NDST3: variants seen among roughly 807,000 people sequenced by gnomAD.
NDST3 encodes N-deacetylase and N-sulfotransferase 3, also known as bifunctional heparan sulfate N-deacetylase/N-sulfotransferase 3.
In NDST3, 58 loss-of-function variants were observed where a neutral mutation model predicts 96.1. The ratio of observed to expected loss-of-function variants is 0.60; its 90% CI spans 0.49 to 0.75. NDST3 has a LOEUF of 0.75. Ranked by LOEUF, NDST3 falls within the 30% of genes least tolerant of loss-of-function variation. The pLI is 0.00. For missense variants in NDST3, 788 were observed against 1,034.2 expected, an observed-to-expected ratio of 0.76 and a Z score of 3.27; for synonymous variants, 333 against 359.7, an observed-to-expected ratio of 0.93 and a Z score of 0.84.
chr4:118,242,748 T>A (rs952966151), intron 12 of NDST3, among the ~76,000 whole-genome samples: 1 of 152,180 alleles, frequency 6.6e-6, no homozygotes, highest in African/African-American at 2.4e-5. Flanking sequence ...TTTGTTTGTA[T>A]GGTTTTTTGC....
At chr4:118,180,040 A>G (rs1015805920) in intron 6 of NDST3, among the ~76,000 whole-genome samples, 1 of 152,064 alleles carries the variant, frequency 6.6e-6, no homozygotes, top group African/African-American at 2.4e-5. Flanking sequence ...GGGTGAAAAT[A>G]GAGGGGGAGT....
intron 6 of NDST3, chr4:118,193,477 G>A: frequency 1.3e-6 from 1 of 778,926 alleles, no homozygotes; most frequent in East Asian, 2.7e-5. Flanking sequence ...CTGTGTCAGT[G>A]AGATTGTCTC....
intron 2 of NDST3, among the ~76,000 whole-genome samples, chr4:118,061,734 A>G (rs1000033086): frequency 5.9e-5 from 9 of 152,138 alleles, no homozygotes; most frequent in Admixed American, 3.9e-4. Flanking sequence ...GGCTCAGTAT[A>G]TATTTGTTGG....
At chr4:118,101,503 A>G (rs1729761775) in intron 2 of NDST3, among the ~76,000 whole-genome samples, 1 of 152,112 alleles carries the variant, frequency 6.6e-6, no homozygotes, top group Non-Finnish European at 1.5e-5. Flanking sequence ...TTCCCTTCTA[A>G]CACTCTGATT....
chr4:118,161,022 T>C (rs999321820), intron 6 of NDST3, among the ~76,000 whole-genome samples: 9 of 152,298 alleles, frequency 5.9e-5, no homozygotes, highest in African/African-American at 2.2e-4. Context: ...TGGTCTTTGA[T>C]GATGGTGATG....
intron 6 of NDST3, among the ~76,000 whole-genome samples, chr4:118,151,176 G>C (rs1734367452): frequency 6.6e-6 from 1 of 152,118 alleles, no homozygotes; most frequent in Admixed American, 6.5e-5. Context: ...TCATAGGTGG[G>C]AACTGAACAA....
At chr4:118,216,658 G>T (rs752174335) in intron 6 of NDST3, among the ~76,000 whole-genome samples, 67 of 152,124 alleles carry the variant, frequency 4.4e-4, no homozygotes, top group Non-Finnish European at 8.7e-4. Context: ...AAGGAGTAAG[G>T]TTTCACGGAA....
rs1265237580 is a variant in NDST3 at position 118,137,994 on chromosome 4, T to C, written c.1225-60T>C. On this transcript the variant is annotated intron_variant, in intron 4 of 13. Transcript: ENST00000296499. The stretch of plus-strand genomic sequence containing the variant: ...TTTACAGTACATTTGAAAATCTTAC[T>C]GTAAAAATAGGATCAAGATAAATCT... 3 of 1,375,640 alleles carry C rather than the reference T, an allele frequency of 2.2e-6. No individual in the cohort carries two copies. In the African/African-American group the frequency reaches 4.4e-5, roughly 20 times the overall value. The allele number at this position is 1,375,640 out of a possible 1,614,324, so 85.2% of individuals were successfully genotyped here.
chr4:118,152,335 AG>A (rs1364476931), intron 6 of NDST3, among the ~76,000 whole-genome samples: 1 of 152,216 alleles, frequency 6.6e-6, no homozygotes, highest in African/African-American at 2.4e-5. Context: ...ATGGGACTCC[AG>A]AAAGTAATAT....
Position 118,054,179 on chromosome 4 carries a change from C to T in NDST3, c.269C>T (p.Ser90Phe). The change falls in exon 2 of 14, where the codon TCT becomes TTT. Residue 90 changes from serine (S) to phenylalanine (F), a missense_variant. Physicochemically the swap from Ser to Phe is radical, Grantham distance 155 (BLOSUM62 -2). Coordinates refer to ENST00000296499, the MANE Select transcript of NDST3 (RefSeq NM_004784.3). ...VLVFVESQYSSLGQDIIMILE... is the reference protein window; with the variant it reads ...VLVFVESQYSFLGQDIIMILE... ...GTATTTGTAGAGAGCCAGTACTCATCTCTTGGTCAAGACATCATTATGATT... is the reference window on the plus strand; with the variant it reads ...GTATTTGTAGAGAGCCAGTACTCATTTCTTGGTCAAGACATCATTATGATT... The T allele has an allele frequency of 6.2e-7, 1 of 1,613,090 alleles. No individual in the cohort carries two copies.
At chr4:118,227,572 A>G (rs1268027656) in intron 8 of NDST3, among the ~76,000 whole-genome samples, 2 of 146,998 alleles carry the variant, frequency 1.4e-5, no homozygotes, top group Non-Finnish European at 3.0e-5. Flanking sequence ...TTGATGTGCA[A>G]TTTTTTTCAC....
chr4:118,035,627 T>C (rs1040782690), intron 1 of NDST3, among the ~76,000 whole-genome samples: 2 of 151,966 alleles, frequency 1.3e-5, no homozygotes, highest in Non-Finnish European at 2.9e-5. Flanking sequence ...AGATTTCAAA[T>C]ATAAGTTTGA....
chr4:118,215,958 A>G (rs1378511092), intron 6 of NDST3, among the ~76,000 whole-genome samples: 1 of 152,092 alleles, frequency 6.6e-6, no homozygotes, highest in Non-Finnish European at 1.5e-5. Context: ...CAGAAGAGCA[A>G]GGTGACAATG....
At chr4:118,176,148 A>T (rs1736265304) in intron 6 of NDST3, among the ~76,000 whole-genome samples, 1 of 151,932 alleles carries the variant, frequency 6.6e-6, no homozygotes, top group African/African-American at 2.4e-5. Context: ...TTATATAATT[A>T]TTCTAGTTAC....
chr4:118,091,280 C>T (rs1169100918), intron 2 of NDST3, among the ~76,000 whole-genome samples: 1 of 151,644 alleles, frequency 6.6e-6, no homozygotes, highest in Non-Finnish European at 1.5e-5. Context: ...CATGTATCCC[C>T]TGGACCTAAA....
intron 6 of NDST3, among the ~76,000 whole-genome samples, chr4:118,164,153 A>G (rs1264859078): frequency 1.3e-5 from 2 of 152,232 alleles, no homozygotes; most frequent in African/African-American, 4.8e-5. Flanking sequence ...ATGGAATACA[A>G]TGCAGCCATA....
intron 4 of NDST3, among the ~76,000 whole-genome samples, chr4:118,136,791 A>C (rs1733134369): frequency 1.3e-5 from 2 of 152,118 alleles, no homozygotes; most frequent in African/African-American, 4.8e-5. Flanking sequence ...ATTCCAATTG[A>C]GGAAGACAGT....
chr4:118,070,252 C>T (rs1003529595), intron 2 of NDST3, among the ~76,000 whole-genome samples: 2 of 152,068 alleles, frequency 1.3e-5, no homozygotes, highest in Admixed American at 6.6e-5. Context: ...CTAAGGAAAG[C>T]CCAGCACCAA....
chr4:118,224,491 A>G lies in NDST3; in HGVS notation c.1540A>G (p.Ile514Val). 1 of 1,599,246 alleles carries G rather than the reference A, an allele frequency of 6.3e-7. No individual in the cohort carries two copies. Residue 514 changes from isoleucine (I) to valine (V), a missense_variant and splice_region_variant, in exon 7 of 14, where the codon ATC (isoleucine) becomes GTC (valine). Ile to Val is a conservative substitution (Grantham distance 29). Transcript: ENST00000296499. ...ELFFTVVLNP[I>V]SIFMTHLSNY... ...ACTGAAGTTCATTTGCTTTTTTCAG[A>G]TCAGCATTTTCATGACCCATTTGTC...
Sources: gnomAD v4.1 joint callset for allele counts (sites outside exome capture counted in the v4.1 genomes callset) on GRCh38, gnomAD v4.1.1 for gene constraint, MANE v1.5 for transcripts, NCBI Gene and HGNC (gene_info 2026-07-23, HGNC 2026-07-21) for gene names.